The following DLG2 variants were observed in gnomAD, a reference collection of about 807,000 sequenced individuals.
The protein encoded by DLG2 is discs large MAGUK scaffold protein 2, also known as disks large homolog 2.
Under a neutral mutation model 132.5 loss-of-function variants are expected in DLG2, and 45 were observed. The ratio of observed to expected loss-of-function variants is 0.34; its 90% CI spans 0.27 to 0.44. The LOEUF (loss-of-function observed/expected upper bound fraction) is 0.44. Ranked by LOEUF, DLG2 falls within the 20% of genes least tolerant of loss-of-function variation. DLG2 has a pLI of 1.00. For synonymous variants in DLG2, 424 were observed against 419.6 expected (o/e 1.01, Z -0.13); for missense variants, 1,045 against 1,196.9 (o/e 0.87, Z 1.87).
At chr11:83,662,774 G>A (rs2074630110) in intron 18 of DLG2, among the ~76,000 whole-genome samples, 1 of 152,204 alleles carries the variant, frequency 6.6e-6, no homozygotes, top group African/African-American at 2.4e-5. Flanking sequence ...CCTTTTGTCA[G>A]TAGAATTGCA....
At chr11:84,127,679 C>A (rs2094239556) in intron 9 of DLG2, among the ~76,000 whole-genome samples, 1 of 152,178 alleles carries the variant, frequency 6.6e-6, no homozygotes, top group South Asian at 2.1e-4. Flanking sequence ...AACTATCTTC[C>A]TGCCTCCACC....
In DLG2 at chr11:85,594,784, A is replaced by C. The variant is rs1416667836; in HGVS notation, c.40+3873T>G. Among the ~76,000 whole-genome samples the C allele has an allele frequency of 2.0e-5, 3 of 152,260 alleles. No homozygotes were observed. The East Asian group carries it at 5.8e-4, about 29-fold the overall frequency. ...CAAAAATAATTTTTAAAAATGATTC[A>C]AGGCCGGGCACGGTGGTGCATGCCT... On this transcript the variant is annotated intron_variant, in intron 3 of 27. Coordinates refer to ENST00000376104, the MANE Select transcript of DLG2 (RefSeq NM_001142699.3).
At chr11:83,820,820 T>C (rs1160111199) in intron 17 of DLG2, among the ~76,000 whole-genome samples, 3 of 152,198 alleles carry the variant, frequency 2.0e-5, no homozygotes, top group Admixed American at 1.3e-4. Flanking sequence ...TACTGATCCA[T>C]ATTTAGTTAT....
At chr11:85,276,398 A>T (rs146991523) in intron 4 of DLG2, among the ~76,000 whole-genome samples, 7 of 152,138 alleles carry the variant, frequency 4.6e-5, no homozygotes, top group Admixed American at 3.9e-4. Context: ...TCAAATCTGA[A>T]ATAGGAAAGA....
chr11:83,896,438 A>T (rs1412248772), intron 15 of DLG2, among the ~76,000 whole-genome samples: 1 of 152,218 alleles, frequency 6.6e-6, no homozygotes, highest in Non-Finnish European at 1.5e-5. Flanking sequence ...GCCCACATAA[A>T]GATGCTCACT....
At chr11:85,008,271 G>A (rs2058871181) in intron 6 of DLG2, among the ~76,000 whole-genome samples, 1 of 152,118 alleles carries the variant, frequency 6.6e-6, no homozygotes, top group African/African-American at 2.4e-5. Flanking sequence ...CTAGAAGCAT[G>A]CTGTAATAAA....
intron 6 of DLG2, among the ~76,000 whole-genome samples, chr11:84,730,546 C>G (rs1386851637): frequency 6.6e-6 from 1 of 151,942 alleles, no homozygotes; most frequent in Non-Finnish European, 1.5e-5. Context: ...ATCTGTGAAA[C>G]AAAGGCAAAT....
intron 4 of DLG2, among the ~76,000 whole-genome samples, chr11:85,196,715 A>G (rs948866271): frequency 2.3e-4 from 35 of 152,334 alleles, no homozygotes; most frequent in African/African-American, 8.2e-4. Flanking sequence ...TATCAGGACA[A>G]TACACTGAAG....
At chr11:83,526,244 T>G (rs951525724) in intron 21 of DLG2, among the ~76,000 whole-genome samples, 2 of 152,200 alleles carry the variant, frequency 1.3e-5, no homozygotes, top group Non-Finnish European at 2.9e-5. Flanking sequence ...TCTGATCTCT[T>G]TAGAAATGGT....
At chr11:85,459,927 T>C (rs1445287841) in intron 3 of DLG2, among the ~76,000 whole-genome samples, 1 of 152,150 alleles carries the variant, frequency 6.6e-6, no homozygotes, top group Admixed American at 6.5e-5. Flanking sequence ...TTCCATGGGA[T>C]GGCTGTGCTG....
chr11:84,171,544 C>T (rs1341045000), intron 8 of DLG2, among the ~76,000 whole-genome samples: 2 of 152,122 alleles, frequency 1.3e-5, no homozygotes, highest in East Asian at 3.9e-4. Context: ...CTTACTGCTG[C>T]AAAAGACTTC....
intron 4 of DLG2, among the ~76,000 whole-genome samples, chr11:85,187,229 C>T (rs1352775289): frequency 6.6e-6 from 1 of 151,966 alleles, no homozygotes; most frequent in Non-Finnish European, 1.5e-5. Flanking sequence ...ATAAAATTAT[C>T]CTTGACTAAA....
chr11:85,117,995 T>A (rs1202158656), intron 5 of DLG2, among the ~76,000 whole-genome samples: 2 of 152,100 alleles, frequency 1.3e-5, no homozygotes, highest in African/African-American at 4.8e-5. Flanking sequence ...CCCATGAGTA[T>A]TCCTTGTTCA....
chr11:84,168,659 AAAG>A (rs1200677993), intron 8 of DLG2, among the ~76,000 whole-genome samples: 9 of 152,184 alleles, frequency 5.9e-5, no homozygotes, highest in Non-Finnish European at 2.9e-5. Context: ...TGATGCACTC[AAAG>A]AAGACCTTGG....
At chr11:85,017,858 C>T (rs7929647) in intron 6 of DLG2, among the ~76,000 whole-genome samples, 78,683 of 151,902 alleles carry the variant, frequency 0.52, 20,711 homozygotes, top group East Asian at 0.62. Context: ...TGTTCACTAG[C>T]GAAAACTGAC....
chr11:84,420,645 GTTTTCTT>G (rs2098945937), intron 7 of DLG2, among the ~76,000 whole-genome samples: 1 of 48,914 alleles, frequency 2.0e-5, no homozygotes, highest in African/African-American at 5.0e-5. Flanking sequence ...ACCAATGCTT[GTTTTCTT>G]TTTTTTTTTT....
chr11:83,463,998 A>G (rs965175957), intron 26 of DLG2, among the ~76,000 whole-genome samples: 5 of 152,222 alleles, frequency 3.3e-5, no homozygotes, highest in Non-Finnish European at 5.9e-5. Context: ...TGGCATGGAG[A>G]CTGATTCAAC....
At chr11:83,699,957 A>T (rs2082629168) in intron 18 of DLG2, among the ~76,000 whole-genome samples, 1 of 151,292 alleles carries the variant, frequency 6.6e-6, no homozygotes, top group African/African-American at 2.4e-5. Context: ...ACACACACAC[A>T]CACACACAAA....
chr11:83,926,663 G>T (rs2079033236), intron 15 of DLG2, among the ~76,000 whole-genome samples: 1 of 152,080 alleles, frequency 6.6e-6, no homozygotes, highest in African/African-American at 2.4e-5. Flanking sequence ...GGTGTAATAA[G>T]ACGTAGACTG....
Sources: allele counts gnomAD v4.1 joint callset (sites outside exome capture counted in the v4.1 genomes callset), GRCh38; gene constraint gnomAD v4.1.1; transcripts MANE v1.5; gene names NCBI Gene and HGNC (gene_info 2026-07-23, HGNC 2026-07-21).